The following TRMT11 variants were observed in gnomAD, a reference collection of about 807,000 sequenced individuals.
TRMT11 encodes the protein tRNA methyltransferase 11.
TRMT11 carries 53 observed loss-of-function variants against 62.8 expected under a neutral mutation model. That is an observed-to-expected ratio of 0.84 (90% CI 0.68 to 1.06). The LOEUF (loss-of-function observed/expected upper bound fraction) is 1.06. TRMT11 is among the 50% of genes least tolerant of loss of function. The pLI is 0.00. For synonymous variants in TRMT11, 188 were observed against 190.3 expected, an observed-to-expected ratio of 0.99 and a Z score of 0.10; for missense variants, 556 against 553.4, an observed-to-expected ratio of 1.00 and a Z score of -0.05.
chr6:126,257,887 G>T, the TRMT11 span: 6 of 1,409,552 alleles, frequency 4.3e-6, no homozygotes, highest in South Asian at 3.4e-5. Flanking sequence ...GACAGTGATT[G>T]TCCTGAGCCA....
At chr6:126,179,338 TA>T (rs1383386034) in intron 1 of TRMT11, among the ~76,000 whole-genome samples, 2 of 152,192 alleles carry the variant, frequency 1.3e-5, no homozygotes, top group Admixed American at 6.5e-5. Flanking sequence ...TTCAGATCTT[TA>T]AAAATTTCTG....
At chr6:126,066,437 T>C (rs1037524918) in intron 17 of TRMT11, among the ~76,000 whole-genome samples, 15 of 152,186 alleles carry the variant, frequency 9.9e-5, no homozygotes, top group Non-Finnish European at 1.5e-5. Context: ...CGCTCTTTGT[T>C]ATGTCCTCAT....
At chr6:126,117,974 C>T (rs1166201739) in intron 21 of TRMT11, among the ~76,000 whole-genome samples, 1 of 152,098 alleles carries the variant, frequency 6.6e-6, no homozygotes, top group Non-Finnish European at 1.5e-5. Context: ...GCTGGAAATT[C>T]CTCCAACTCG....
chr6:126,026,331 A>T (rs1192536755), intron 12 of TRMT11, among the ~76,000 whole-genome samples: 1 of 152,102 alleles, frequency 6.6e-6, no homozygotes, highest in Non-Finnish European at 1.5e-5. Context: ...CTACCGAAGC[A>T]TATTTCTACC....
intron 17 of TRMT11, among the ~76,000 whole-genome samples, chr6:126,112,611 T>A (rs1777544479): frequency 6.6e-6 from 1 of 152,074 alleles, no homozygotes; most frequent in Non-Finnish European, 1.5e-5. Context: ...GTAATAACAA[T>A]CTCTGGGTGC....
At chr6:126,166,480 G>C (rs1409109690) in intron 21 of TRMT11, among the ~76,000 whole-genome samples, 1 of 152,138 alleles carries the variant, frequency 6.6e-6, no homozygotes, top group Admixed American at 6.5e-5. Context: ...GAACAACAAA[G>C]ATTGCTGCCT....
chr6:126,193,618 G>A (rs562388727), intron 1 of TRMT11, among the ~76,000 whole-genome samples: 5 of 147,238 alleles, frequency 3.4e-5, no homozygotes, highest in East Asian at 2.1e-4. Flanking sequence ...TCAGCCTCCC[G>A]AGTAGCTGGG....
intron 17 of TRMT11, among the ~76,000 whole-genome samples, chr6:126,073,657 T>G (rs187579394): frequency 2.4e-4 from 36 of 152,236 alleles, no homozygotes; most frequent in South Asian, 6.2e-4. Flanking sequence ...TTACAGTCAG[T>G]GGATATCAAA....
chr6:126,124,444 C>T (rs145754166), intron 21 of TRMT11, among the ~76,000 whole-genome samples: 63 of 152,176 alleles, frequency 4.1e-4, no homozygotes, highest in African/African-American at 1.3e-3. Context: ...ATTCTGCATG[C>T]GTCCTTGTAT....
chr6:126,248,553 A>C, the TRMT11 span, among the ~76,000 whole-genome samples: 6 of 152,112 alleles, frequency 3.9e-5, no homozygotes, highest in Non-Finnish European at 8.8e-5. Context: ...TTCTATCTGA[A>C]ATTCCACCCC....
chr6:126,269,069 G>A, the TRMT11 span, among the ~76,000 whole-genome samples: 26 of 151,050 alleles, frequency 1.7e-4, no homozygotes, highest in African/African-American at 4.6e-4. Flanking sequence ...AGACCATCCC[G>A]GCTAAAAAAT....
the TRMT11 span, among the ~76,000 whole-genome samples, chr6:126,248,735 A>T: frequency 2.0e-5 from 3 of 152,308 alleles, no homozygotes; most frequent in South Asian, 6.2e-4. Flanking sequence ...CACTGCCAAC[A>T]CATACTGACT....
intron 16 of TRMT11, among the ~76,000 whole-genome samples, chr6:126,044,959 G>A (rs756575755): frequency 1.3e-5 from 2 of 152,132 alleles, no homozygotes. Flanking sequence ...GCTGAGGCAG[G>A]TGGATCACCT....
downstream of TRMT11, among the ~76,000 whole-genome samples, chr6:126,206,726 A>G (rs1778795170): frequency 1.3e-5 from 2 of 152,172 alleles, no homozygotes; most frequent in African/African-American, 4.8e-5. Context: ...ACTTCCTTCA[A>G]AACATACTTA....
At chr6:126,115,121 C>A (rs1275654410) in intron 19 of TRMT11, among the ~76,000 whole-genome samples, 2 of 151,978 alleles carry the variant, frequency 1.3e-5, no homozygotes, top group East Asian at 1.9e-4. Context: ...GCCTAAATAC[C>A]CACCTTCCAG....
At chr6:126,263,533 C>T in the TRMT11 span, among the ~76,000 whole-genome samples, 3 of 152,138 alleles carry the variant, frequency 2.0e-5, no homozygotes, top group Admixed American at 6.5e-5. Flanking sequence ...GTATCTAAGA[C>T]ACAAAGAGCT....
chr6:126,069,766 A>C (rs1776795689), intron 17 of TRMT11, among the ~76,000 whole-genome samples: 1 of 152,040 alleles, frequency 6.6e-6, no homozygotes, highest in Admixed American at 6.6e-5. Context: ...CTTTGAAGGA[A>C]CACTTTTCCT....
chr6:126,207,316 A>G (rs1295306931), downstream of TRMT11, among the ~76,000 whole-genome samples: 1 of 152,210 alleles, frequency 6.6e-6, no homozygotes, highest in Non-Finnish European at 1.5e-5. Context: ...GAGCTGGTAG[A>G]AGACAAATCA....
At chr6:126,241,268 A>G in the TRMT11 span, among the ~76,000 whole-genome samples, 1 of 152,090 alleles carries the variant, frequency 6.6e-6, no homozygotes, top group South Asian at 2.1e-4. Context: ...TGCAGAAATC[A>G]TCCGTCTTCT....
Sources: gnomAD v4.1 joint callset for allele counts (sites outside exome capture counted in the v4.1 genomes callset) on GRCh38, gnomAD v4.1.1 for gene constraint, MANE v1.5 for transcripts, NCBI Gene and HGNC (gene_info 2026-07-23, HGNC 2026-07-21) for gene names.